CABP1: variants seen among roughly 807,000 people sequenced by gnomAD.
The protein encoded by CABP1 is calcium-binding protein 1.
A neutral mutation model predicts 34.3 loss-of-function variants in CABP1; 17 were observed. The observed-to-expected ratio is 0.50, with a 90% confidence interval of 0.34 to 0.74. The LOEUF is 0.74. Among genes scored for constraint, CABP1 ranks in the 30% least tolerant of loss-of-function variants. The pLI, the probability that CABP1 is intolerant of heterozygous loss-of-function variation, is 0.01. For missense variants in CABP1, 373 were observed against 511.1 expected, an observed-to-expected ratio of 0.73 and a Z score of 2.61; for synonymous variants, 198 against 229.2, an observed-to-expected ratio of 0.86 and a Z score of 1.23.
intron 1 of CABP1, among the ~76,000 whole-genome samples, chr12:120,648,360 A>G (rs556896128): frequency 6.6e-6 from 1 of 152,276 alleles, no homozygotes; most frequent in East Asian, 1.9e-4. Context: ...TGAAATCAGG[A>G]ACTGTGTTTC....
chr12:120,650,965 G>A (rs1593158380), intron 1 of CABP1, among the ~76,000 whole-genome samples: 2 of 152,138 alleles, frequency 1.3e-5, no homozygotes, highest in African/African-American at 4.8e-5. Flanking sequence ...AAATGAAAAG[G>A]GTGGATCCTT....
chr12:120,656,344 AG>A lies in CABP1; in HGVS notation c.655-3530del, dbSNP rs991997258. ...GCGTGAGGAGGTGCTGGGATGAAGA[AG>A]GGGTCTATACAGAGCTCACACCCCC... is the stretch of plus-strand genomic sequence containing the variant. On this transcript the variant is annotated intron_variant, in intron 1 of 5. Transcript: ENST00000316803. 5 of 1,404,708 alleles carry A rather than the reference AG, an allele frequency of 3.6e-6. No individual in the cohort carries two copies. The African/African-American group carries it at 7.2e-5, about 20-fold the overall frequency. The allele number at this position is 1,404,708 out of a possible 1,614,324, so 87.0% of individuals were successfully genotyped here.
Position 120,652,013 on chromosome 12 carries a change from C to G in CABP1, c.655-7865C>G, listed in dbSNP as rs142458135. The stretch of plus-strand genomic sequence containing the variant: ...CCATCTTCCCTTACACAACAGCATG[C>G]TTAAGAGTCAGATTACACAGGCCTC... On this transcript the variant is annotated intron_variant, in intron 1 of 5. Coordinates refer to ENST00000316803, the MANE Select transcript of CABP1 (RefSeq NM_001033677.2). 2.7e-3 allele frequency among the ~76,000 whole-genome samples: 404 copies of G among 152,310 alleles called. 3 individuals are homozygous for G. Among genetic ancestry groups the G allele is most frequent in the African/African-American group, 9.1e-3 (379 of 41,558 alleles).
At chr12:120,673,614 A>C in the CABP1 span, among the ~76,000 whole-genome samples, 7 of 152,052 alleles carry the variant, frequency 4.6e-5, no homozygotes, top group Non-Finnish European at 8.8e-5. Flanking sequence ...AGTCTAAAAA[A>C]AACCAAGTGC....
chr12:120,656,162 G>T, intron 1 of CABP1: 7 of 1,613,908 alleles, frequency 4.3e-6, no homozygotes, highest in Non-Finnish European at 5.9e-6. Context: ...GGCTGACGCC[G>T]AGCTCCCGGG....
At chr12:120,666,267 G>A (rs562419567) in intron 5 of CABP1, among the ~76,000 whole-genome samples, 112 of 149,480 alleles carry the variant, frequency 7.5e-4, no homozygotes, top group Admixed American at 1.9e-3. Flanking sequence ...CAGAAAAGCT[G>A]AGAGGAGACC....
chr12:120,666,550 C>G (rs1881003024), intron 5 of CABP1, among the ~76,000 whole-genome samples: 2 of 150,576 alleles, frequency 1.3e-5, no homozygotes. Flanking sequence ...CTGAAAAGAT[C>G]TGTGTAGTTG....
At position 120,641,304 on chromosome 12, in the gene CABP1, C is replaced by G. The variant is rs777694207; in HGVS notation, c.619C>G (p.Arg207Gly). The change falls in exon 1 of 6, where the codon CGG (arginine) becomes GGG (glycine). Residue 207 changes from arginine (R) to glycine (G), a missense_variant. Physicochemically the swap from Arg to Gly is moderately radical, Grantham distance 125. Coordinates refer to ENST00000316803, the MANE Select transcript of CABP1 (RefSeq NM_001033677.2). This position sits in a 1 kb window ranked among gnomAD's most constrained non-coding sequence, Gnocchi z 6.7. ...GTCCGAGGCGGACCCGTTCCTCCAC[C>G]GGCTGCGCCCCATGCTCAGCTCCGC... ...AASEADPFLH[R>G]LRPMLSSAFG... 1.5e-6 allele frequency: 2 copies of G among 1,330,160 alleles called. No homozygotes were observed. Among genetic ancestry groups the G allele is most frequent in the East Asian group, 6.1e-5 (2 of 32,622 alleles). 82.4% of individuals were successfully genotyped at this position (1,330,160 alleles called of 1,614,324 possible). A position where few individuals can be genotyped will look rare whatever the true frequency, so the allele number is the denominator to read the frequency against.
At chr12:120,651,090 T>C (rs1320934455) in intron 1 of CABP1, among the ~76,000 whole-genome samples, 1 of 152,140 alleles carries the variant, frequency 6.6e-6, no homozygotes, top group African/African-American at 2.4e-5. Flanking sequence ...CTCGTTCATA[T>C]CCTTTGAGGG....
chr12:120,649,949 TG>T (rs1879735298), intron 1 of CABP1: 2 of 152,270 alleles, frequency 1.3e-5, no homozygotes, highest in African/African-American at 2.4e-5. Context: ...CACTGCTCTT[TG>T]GAAGGGGCAT....
Position 120,666,911 on chromosome 12 carries a change from G to T in CABP1, c.*11G>T. The T allele has an allele frequency of 6.2e-7, 1 of 1,602,530 alleles. No homozygotes were observed. On this transcript the variant is annotated 3_prime_UTR_variant, in exon 6 of 6. Transcript: ENST00000316803. ...ATGATGTCCCGCTGAGGCCGCGAGGGCCCCTCCAGGACTGCCAAGCTCCCA... is the reference window on the plus strand; with the variant it reads ...ATGATGTCCCGCTGAGGCCGCGAGGTCCCCTCCAGGACTGCCAAGCTCCCA...
At chr12:120,646,666 C>T (rs1416685506) in intron 1 of CABP1, among the ~76,000 whole-genome samples, 5 of 152,082 alleles carry the variant, frequency 3.3e-5, no homozygotes, top group Admixed American at 6.6e-5. Flanking sequence ...GGCACAGCTG[C>T]CATGCCTGGC....
chr12:120,677,364 A>G, the CABP1 span, among the ~76,000 whole-genome samples: 3 of 145,968 alleles, frequency 2.1e-5, no homozygotes, highest in Non-Finnish European at 4.5e-5. Flanking sequence ...CTGGGATTAC[A>G]GGCATGAGCC....
At chr12:120,658,988 C>T (rs1322152277) in intron 1 of CABP1, 1 of 152,312 alleles carries the variant, frequency 6.6e-6, no homozygotes. Flanking sequence ...ACTGGCAGCT[C>T]ACCAACCTGA....
At chr12:120,647,721 C>T (rs1879612365) in intron 1 of CABP1, among the ~76,000 whole-genome samples, 2 of 150,520 alleles carry the variant, frequency 1.3e-5, no homozygotes, top group Admixed American at 1.3e-4. Context: ...GCACCTGCCA[C>T]CACGCCCAGC....
chr12:120,670,421 C>T (rs1271138666), downstream of CABP1, among the ~76,000 whole-genome samples: 3 of 152,100 alleles, frequency 2.0e-5, no homozygotes, highest in African/African-American at 7.2e-5. Flanking sequence ...ACCTTCCCTG[C>T]TGGGGAGCTC....
At chr12:120,649,142 C>T (rs2137332895) in intron 1 of CABP1, among the ~76,000 whole-genome samples, 1 of 152,210 alleles carries the variant, frequency 6.6e-6, no homozygotes, top group South Asian at 2.1e-4. Context: ...GCGTGGTTGT[C>T]AGCAGCAGCA....
At chr12:120,651,083 G>A (rs522632) in intron 1 of CABP1, among the ~76,000 whole-genome samples, 3 of 151,942 alleles carry the variant, frequency 2.0e-5, no homozygotes, top group Non-Finnish European at 2.9e-5. Context: ...GCAGGGACTC[G>A]TTCATATCCT....
chr12:120,650,485 G>A (rs942684939), intron 1 of CABP1: 9 of 1,506,646 alleles, frequency 6.0e-6, no homozygotes, highest in African/African-American at 1.4e-5. Flanking sequence ...AAGAGAGCAC[G>A]CGCGCAAGAG....
Sources: gnomAD v4.1 joint callset for allele counts (sites outside exome capture counted in the v4.1 genomes callset) on GRCh38, gnomAD v4.1.1 for gene constraint, Gnocchi (gnomAD v3.1) non-coding constraint, MANE v1.5 for transcripts, NCBI Gene and HGNC (gene_info 2026-07-23, HGNC 2026-07-21) for gene names.